Variants in IL21R observed in about 807,000 individuals in gnomAD.
IL21R encodes interleukin-21 receptor.
Under a neutral mutation model 41.3 loss-of-function variants are expected in IL21R, and 14 were observed. The observed-to-expected ratio is 0.34, with a 90% confidence interval of 0.22 to 0.53. The LOEUF (loss-of-function observed/expected upper bound fraction) is 0.53, where lower values mean the gene tolerates loss of function less well. IL21R is among the 20% of genes least tolerant of loss of function. The probability of loss-of-function intolerance (pLI) is 0.94; values close to 1 mark genes in which losing one functional copy is unlikely to be tolerated. For synonymous variants in IL21R, 286 were observed against 287.6 expected, an observed-to-expected ratio of 0.99 and a Z score of 0.05; for missense variants, 588 against 681.6, an observed-to-expected ratio of 0.86 and a Z score of 1.53.
chr16:27,442,996 C>T lies in IL21R; in HGVS notation c.387C>T (p.Thr129=). The T allele has an allele frequency of 1.2e-6, 2 of 1,605,320 alleles. No individual in the cohort carries two copies. The highest frequency in any genetic ancestry group is 1.7e-6 in the Non-Finnish European group (2 of 1,175,998). ...CTCCCCCTTTCAACGTGACTGTGAC[C>T]TTCTCAGGACAGTATAATATCTCCT... The part of the protein sequence containing the change: ...KPAPPFNVTV[T]FSGQYNISWR... The change falls in exon 5 of 9, where the codon ACC becomes ACT. Residue 129 remains threonine, a synonymous_variant. Transcript: ENST00000337929.
At chr16:27,440,279 A>C (rs28710804) in intron 4 of IL21R, among the ~76,000 whole-genome samples, 15 of 131,882 alleles carry the variant, frequency 1.1e-4, no homozygotes, top group Admixed American at 2.9e-4. Context: ...AGAGAGAGAG[A>C]GCGAGCAAGC....
At chr16:27,426,122 G>A (rs2087072890) in intron 1 of IL21R, among the ~76,000 whole-genome samples, 1 of 152,184 alleles carries the variant, frequency 6.6e-6, no homozygotes, top group African/African-American at 2.4e-5. Flanking sequence ...GGCAGGTGCT[G>A]TGATTATCAT....
chr16:27,440,222 AATATATATAT>A (rs60418304), intron 4 of IL21R, among the ~76,000 whole-genome samples: 1 of 75,902 alleles, frequency 1.3e-5, no homozygotes, highest in Non-Finnish European at 2.3e-5. Flanking sequence ...TAATCTGACA[AATATATATAT>A]ATATATATAT....
rs1017184199 is a variant in IL21R, at chr16:27,402,557, A to C, written c.-78A>C. On this transcript the variant is annotated 5_prime_UTR_variant, in exon 1 of 9. Transcript: ENST00000337929. The stretch of plus-strand genomic sequence containing the variant: ...CGCTGAACCCAGCTGCCACCCCCAG[A>C]AGCCCATCAGACTGCCCCCAGCACA... 2 of 153,848 alleles carry C rather than the reference A, an allele frequency of 1.3e-5. No homozygotes were observed. The highest frequency in any genetic ancestry group is 2.9e-5 in the Non-Finnish European group (2 of 69,044). The allele number at this position is 153,848 out of a possible 1,614,324, so 9.5% of individuals were successfully genotyped here. A position where few individuals can be genotyped will look rare whatever the true frequency, so the allele number is the denominator to read the frequency against.
rs571525709 is a variant in IL21R, at chr16:27,427,239, G to A, written c.-16-2817G>A. On this transcript the variant is annotated intron_variant, in intron 1 of 8. Transcript: ENST00000337929. The stretch of plus-strand genomic sequence containing the variant: ...CCCACTTTGTGGAGCATGGGGTGGA[G>A]TCAGCCTCAGGCAAACCACTAGAGG... 58 of 976,368 alleles carry A rather than the reference G, an allele frequency of 5.9e-5. No homozygotes were observed. In the Admixed American group the frequency reaches 7.4e-4, roughly 12 times the overall value. The allele number at this position is 976,368 out of a possible 1,614,324, so 60.5% of individuals were successfully genotyped here.
At position 27,402,281 on chromosome 16, in the gene IL21R, C is replaced by G. The variant is rs1281828251; in HGVS notation, c.-354C>G. The G allele has an allele frequency of 6.6e-6, 1 of 152,492 alleles. No individual in the cohort carries two copies. Among genetic ancestry groups the G allele is most frequent in the African/African-American group, 2.4e-5 (1 of 41,462 alleles). 9.4% of individuals were successfully genotyped at this position (152,492 alleles called of 1,614,324 possible). On this transcript the variant is annotated 5_prime_UTR_variant, in exon 1 of 9. Coordinates refer to ENST00000337929, the MANE Select transcript of IL21R (RefSeq NM_181078.3). Reference sequence around the variant, plus strand: ...CGTCTGGCCCTCTGCCTGCCTCTCCCTGAGTGTGGCTGACAGCCACGCAGC... The same window carrying G: ...CGTCTGGCCCTCTGCCTGCCTCTCCGTGAGTGTGGCTGACAGCCACGCAGC...
chr16:27,419,753 G>A (rs1344634510), intron 1 of IL21R, among the ~76,000 whole-genome samples: 3 of 151,620 alleles, frequency 2.0e-5, no homozygotes, highest in Non-Finnish European at 4.4e-5. Flanking sequence ...GTAAGTACAA[G>A]GAGCACACCC....
intron 1 of IL21R, among the ~76,000 whole-genome samples, chr16:27,426,292 T>A (rs1383817255): frequency 2.0e-5 from 3 of 152,254 alleles, no homozygotes; most frequent in Non-Finnish European, 4.4e-5. Context: ...GCCAGTTATC[T>A]GCTGATGGTC....
In IL21R at chr16:27,420,088, C is replaced by A. The variant is rs1233309203; in HGVS notation, c.-16-9968C>A. Among the ~76,000 whole-genome samples, 6 of 151,996 alleles carry A rather than the reference C, an allele frequency of 3.9e-5. No homozygotes were observed. The East Asian group carries it at 1.2e-3, about 29-fold the overall frequency. On this transcript the variant is annotated intron_variant, in intron 1 of 8. Coordinates refer to ENST00000337929, the MANE Select transcript of IL21R (RefSeq NM_181078.3). ...TGTTTTTAGTTGAAACGGGGTTTCACCATGTTTGTCACACTGGTCTTGAAG... is the reference window on the plus strand; with the variant it reads ...TGTTTTTAGTTGAAACGGGGTTTCAACATGTTTGTCACACTGGTCTTGAAG...
rs751791813 is a variant in IL21R at position 27,445,160 on chromosome 16, C to A, written c.686-17C>A. 4.2e-5 allele frequency: 67 copies of A among 1,591,210 alleles called. No individual in the cohort carries two copies. The highest frequency in any genetic ancestry group is 5.7e-5 in the Non-Finnish European group (66 of 1,159,750). ...TAGAGTTGGTGCCATTTAACCCTTT[C>A]TTTGCTTCCTTCCCAGAGTTAAAGG... On this transcript the variant is annotated splice_polypyrimidine_tract_variant and intron_variant, in intron 6 of 8. Coordinates refer to ENST00000337929, the MANE Select transcript of IL21R (RefSeq NM_181078.3).
In IL21R at chr16:27,445,196, C is replaced by T; in HGVS notation, c.705C>T (p.Asn235=). ...TQSEELKEGW[N]PHLLLLLLLV... ...TCCCAGAGTTAAAGGAAGGCTGGAA[C>T]CCTCACCTGCTGCTTCTCCTCCTGC... The change falls in exon 7 of 9, where the codon AAC becomes AAT. Residue 235 remains asparagine (N), a synonymous_variant. Transcript: ENST00000337929. 1 of 1,613,882 alleles carries T rather than the reference C, an allele frequency of 6.2e-7. No individual in the cohort carries two copies. Among genetic ancestry groups the T allele is most frequent in the Non-Finnish European group, 8.5e-7 (1 of 1,179,770 alleles).
At chr16:27,443,782 C>CAAAAAAAAA in intron 5 of IL21R, among the ~76,000 whole-genome samples, 1 of 126,102 alleles carries the variant, frequency 7.9e-6, no homozygotes, top group Non-Finnish European at 1.7e-5. Flanking sequence ...GACTCGATCT[C>CAAAAAAAAA]AAAAAAAAAA....
chr16:27,418,041 T>TTTTA (rs2086919960), intron 1 of IL21R, among the ~76,000 whole-genome samples: 1 of 126,128 alleles, frequency 7.9e-6, no homozygotes, highest in Non-Finnish European at 1.7e-5. Context: ...TTTTATTTTA[T>TTTTA]TTTATTTTAT....
intron 1 of IL21R, among the ~76,000 whole-genome samples, chr16:27,418,236 AT>A (rs1046111811): frequency 6.0e-5 from 9 of 150,202 alleles, no homozygotes; most frequent in Admixed American, 6.0e-4. Flanking sequence ...CGCCCGGCTA[AT>A]TTTTTGTATT....
intron 1 of IL21R, among the ~76,000 whole-genome samples, chr16:27,404,087 T>A (rs1030655835): frequency 6.6e-6 from 1 of 152,170 alleles, no homozygotes; most frequent in South Asian, 2.1e-4. Flanking sequence ...GGAAGCAGCA[T>A]TGGATGGGGA....
chr16:27,421,876 T>C (rs179763), intron 1 of IL21R, among the ~76,000 whole-genome samples: 49,360 of 151,938 alleles, frequency 0.32, 8,688 homozygotes, highest in East Asian at 0.47. Flanking sequence ...CTAATTGCCT[T>C]GGCTAGAACC....
chr16:27,428,194 T>A (rs1442611608), intron 1 of IL21R, among the ~76,000 whole-genome samples: 2 of 129,268 alleles, frequency 1.5e-5, no homozygotes, highest in Non-Finnish European at 3.3e-5. Context: ...CTCCTTGAAT[T>A]CTCACAAGCC....
chr16:27,432,230 G>A (rs926107467), intron 2 of IL21R, among the ~76,000 whole-genome samples: 11 of 152,334 alleles, frequency 7.2e-5, no homozygotes, highest in Admixed American at 3.3e-4. Flanking sequence ...AGCCATGTGC[G>A]GGCAGCATGC....
intron 1 of IL21R, among the ~76,000 whole-genome samples, chr16:27,410,923 G>GT (rs1307728252): frequency 2.3e-4 from 35 of 152,234 alleles, no homozygotes; most frequent in African/African-American, 7.5e-4. Context: ...TGCAGTATTT[G>GT]TTTTTTTGCA....
Sources: gnomAD v4.1 joint callset for allele counts (sites outside exome capture counted in the v4.1 genomes callset) on GRCh38, gnomAD v4.1.1 for gene constraint, MANE v1.5 for transcripts, NCBI Gene and HGNC (gene_info 2026-07-23, HGNC 2026-07-21) for gene names.